CCSER2: variants seen among roughly 807,000 people sequenced by gnomAD.
CCSER2 encodes the protein coiled-coil serine rich protein 2.
CCSER2 carries 46 observed loss-of-function variants against 92.3 expected under a neutral mutation model. The ratio of observed to expected loss-of-function variants is 0.50; its 90% CI spans 0.39 to 0.64. CCSER2 has a LOEUF of 0.64. Among genes scored for constraint, CCSER2 ranks in the 30% least tolerant of loss-of-function variants. CCSER2 has a pLI of 0.00. For missense variants in CCSER2, 1,244 were observed against 1,238.9 expected (o/e 1.00, Z -0.06); for synonymous variants, 433 against 431.4 (o/e 1.00, Z -0.04).
In CCSER2 at chr10:84,372,294, T is replaced by C. The variant is rs371484288; in HGVS notation, c.1242T>C (p.Phe414=). Residue 414 remains phenylalanine, a synonymous_variant, in exon 2 of 10, where the codon TTT becomes TTC. Coordinates refer to ENST00000372088, the MANE Select transcript of CCSER2 (RefSeq NM_001284240.2). ...ATAAGAATGATTTAAGTGAAGACTT[T>C]AGTGATGATTTTATAGATATAGAAG... is the stretch of plus-strand genomic sequence containing the variant. ...SSDKNDLSED[F]SDDFIDIEDS... 3.1e-5 allele frequency: 50 copies of C among 1,612,882 alleles called. No individual in the cohort carries two copies. The highest frequency in any genetic ancestry group is 5.3e-5 in the African/African-American group (4 of 74,856).
At chr10:84,399,099 G>T (rs1841986720) in intron 3 of CCSER2, among the ~76,000 whole-genome samples, 1 of 152,090 alleles carries the variant, frequency 6.6e-6, no homozygotes, top group African/African-American at 2.4e-5. Context: ...ATATTGTGTA[G>T]TGGTGAAATC....
chr10:84,425,606 T>C, intron 4 of CCSER2, 125 bp from the exon 5 acceptor site: 1 of 592,290 alleles, frequency 1.7e-6, no homozygotes, highest in Non-Finnish European at 2.6e-6. Context: ...GTGATTAACA[T>C]AAATGGCTGA....
intron 7 of CCSER2, among the ~76,000 whole-genome samples, 186 bp downstream of exon 7, chr10:84,464,202 G>C (rs1424086353): frequency 6.6e-6 from 1 of 152,024 alleles, no homozygotes; most frequent in East Asian, 1.9e-4. Flanking sequence ...TTATCAGTTG[G>C]ATAATGATCT....
intron 5 of CCSER2, among the ~76,000 whole-genome samples, chr10:84,432,027 G>A (rs1224008214): frequency 1.3e-5 from 2 of 152,150 alleles, no homozygotes; most frequent in Non-Finnish European, 2.9e-5. Flanking sequence ...CACCAGCAAT[G>A]AATGAGAACT....
At chr10:84,356,856 A>G (rs993634905) in intron 1 of CCSER2, among the ~76,000 whole-genome samples, 2 of 152,164 alleles carry the variant, frequency 1.3e-5, no homozygotes, top group Non-Finnish European at 1.5e-5. Context: ...GCTGTTATAC[A>G]TTATGTGTGT....
chr10:84,489,758 A>T (rs1003171349), intron 9 of CCSER2, among the ~76,000 whole-genome samples: 6 of 152,110 alleles, frequency 3.9e-5, no homozygotes, highest in Non-Finnish European at 8.8e-5. Flanking sequence ...TAATATTGTT[A>T]TGTGTGAATT....
At chr10:84,494,291 T>C (rs1848327819) in intron 9 of CCSER2, among the ~76,000 whole-genome samples, 1 of 152,222 alleles carries the variant, frequency 6.6e-6, no homozygotes, top group South Asian at 2.1e-4. Flanking sequence ...GGCATGTTAA[T>C]TTATTATAAT....
At chr10:84,430,308 C>A (rs923550576) in intron 5 of CCSER2, among the ~76,000 whole-genome samples, 1 of 152,174 alleles carries the variant, frequency 6.6e-6, no homozygotes. Context: ...ACAGCCTATA[C>A]ATGTATATGT....
Position 84,417,832 on chromosome 10 carries a change from A to G in CCSER2, c.1676A>G (p.Asp559Gly). Reference protein sequence around the residue: ...LEDDDLMLDVDLPEDAPLENV... With the variant: ...LEDDDLMLDVGLPEDAPLENV... ...GATGATGATCTTATGCTTGATGTGG[A>G]TCTGCCTGAGGATGCACCTCTTGAA... Residue 559 changes from aspartate (D) to glycine (G), a missense_variant, in exon 4 of 10, where the codon GAT (aspartate) becomes GGT (glycine). Physicochemically the swap from Asp to Gly is moderately conservative, Grantham distance 94 (BLOSUM62 -1). Transcript: ENST00000372088. 2 of 1,591,674 alleles carry G rather than the reference A, an allele frequency of 1.3e-6. No homozygotes were observed. Among genetic ancestry groups the G allele is most frequent in the Non-Finnish European group, 1.7e-6 (2 of 1,159,842 alleles).
intron 9 of CCSER2, among the ~76,000 whole-genome samples, chr10:84,478,111 T>C (rs1847260571): frequency 6.6e-6 from 1 of 152,182 alleles, no homozygotes; most frequent in African/African-American, 2.4e-5. Flanking sequence ...TGTTAGGAAA[T>C]ATAAATGCAC....
At chr10:84,364,058 T>G (rs4934007) in intron 1 of CCSER2, among the ~76,000 whole-genome samples, 31,924 of 151,988 alleles carry the variant, frequency 0.21, 3,606 homozygotes, top group Admixed American at 0.34. Flanking sequence ...CATAGAAAAG[T>G]TACAATAAAA....
intron 5 of CCSER2, among the ~76,000 whole-genome samples, chr10:84,430,038 G>A (rs896235732): frequency 3.3e-5 from 5 of 152,090 alleles, no homozygotes; most frequent in African/African-American, 1.2e-4. Context: ...GGTTTGATTA[G>A]TGGTCAGCTA....
At chr10:84,385,010 C>T (rs1564618700) in intron 3 of CCSER2, among the ~76,000 whole-genome samples, 1 of 146,576 alleles carries the variant, frequency 6.8e-6, no homozygotes, top group Non-Finnish European at 1.6e-5. Context: ...AATAAACACA[C>T]ACACACACAC....
chr10:84,483,994 TA>T (rs1564711734), intron 9 of CCSER2, among the ~76,000 whole-genome samples: 9 of 92,748 alleles, frequency 9.7e-5, no homozygotes, highest in East Asian at 3.2e-4. Flanking sequence ...TATATATATA[TA>T]TAATTTTTTT....
intron 1 of CCSER2, among the ~76,000 whole-genome samples, chr10:84,352,655 A>G (rs1361582164): frequency 3.9e-5 from 6 of 152,102 alleles, no homozygotes; most frequent in Non-Finnish European, 5.9e-5. Context: ...TGACAGGTTC[A>G]GTGGTCCTGA....
At chr10:84,392,156 C>T in intron 3 of CCSER2, 1 of 568,374 alleles carries the variant, frequency 1.8e-6, no homozygotes, top group South Asian at 1.8e-5. Context: ...GAAGGGTAAA[C>T]CGGTAGGGAA....
At chr10:84,424,206 T>C (rs1843306940) in intron 4 of CCSER2, among the ~76,000 whole-genome samples, 1 of 151,960 alleles carries the variant, frequency 6.6e-6, no homozygotes, top group South Asian at 2.1e-4. Flanking sequence ...TTTTGCTATC[T>C]TATTTTCTAC....
intron 6 of CCSER2, among the ~76,000 whole-genome samples, chr10:84,450,611 A>G (rs1278683975): frequency 2.6e-5 from 4 of 152,210 alleles, no homozygotes; most frequent in Non-Finnish European, 4.4e-5. Flanking sequence ...GTAGTAAATA[A>G]GGCAGCTATC....
chr10:84,353,151 A>C (rs1844958706), intron 1 of CCSER2, among the ~76,000 whole-genome samples: 1 of 152,160 alleles, frequency 6.6e-6, no homozygotes, highest in Admixed American at 6.5e-5. Context: ...CTTGGTAAAA[A>C]TTAGTTATCG....
Sources: gnomAD v4.1 joint callset for allele counts (sites outside exome capture counted in the v4.1 genomes callset) on GRCh38, gnomAD v4.1.1 for gene constraint, MANE v1.5 for transcripts, NCBI Gene and HGNC (gene_info 2026-07-23, HGNC 2026-07-21) for gene names.